Variants in ARSG observed in about 807,000 individuals in gnomAD.
The protein encoded by ARSG is arylsulfatase G.
ARSG carries 37 observed loss-of-function variants against 50.5 expected under a neutral mutation model. The ratio of observed to expected loss-of-function variants is 0.73; its 90% CI spans 0.56 to 0.96. The LOEUF (loss-of-function observed/expected upper bound fraction) is 0.96, where lower values mean the gene tolerates loss of function less well. Among genes scored for constraint, ARSG ranks in the 50% least tolerant of loss-of-function variants. The probability of loss-of-function intolerance (pLI) is 0.00; values close to 1 mark genes in which losing one functional copy is unlikely to be tolerated. For missense variants in ARSG, 629 were observed against 675.3 expected, an observed-to-expected ratio of 0.93 and a Z score of 0.76; for synonymous variants, 225 against 254.6, an observed-to-expected ratio of 0.88 and a Z score of 1.11.
intron 2 of ARSG, among the ~76,000 whole-genome samples, chr17:68,310,347 A>T: frequency 6.6e-6 from 1 of 152,180 alleles, no homozygotes; most frequent in Non-Finnish European, 1.5e-5. Flanking sequence ...TGAAGAGCAA[A>T]AGAGAGTCTG....
chr17:68,431,891 G>A, the ARSG span, among the ~76,000 whole-genome samples: 19 of 152,192 alleles, frequency 1.2e-4, no homozygotes, highest in East Asian at 1.7e-3. Context: ...CAGTGGAGGC[G>A]GGGCTGCAGC....
At chr17:68,359,186 A>G (rs1396172815) in intron 6 of ARSG, among the ~76,000 whole-genome samples, 1 of 152,110 alleles carries the variant, frequency 6.6e-6, no homozygotes, top group Non-Finnish European at 1.5e-5. Flanking sequence ...CAACAACAAC[A>G]ACAAAACTAC....
Position 68,331,614 on chromosome 17 carries a change from G to A in ARSG, c.219-11990G>A, listed in dbSNP as rs374817113. 5.9e-5 allele frequency among the ~76,000 whole-genome samples: 9 copies of A among 152,196 alleles called. No homozygotes were observed. In the East Asian group the frequency reaches 9.7e-4, roughly 16 times the overall value. On this transcript the variant is annotated intron_variant, in intron 2 of 11. Coordinates refer to ENST00000621439, the MANE Select transcript of ARSG (RefSeq NM_001267727.2). ...TGAGCTCAGACAATCCGCCTACCTC[G>A]GCTTCCCAAAGTGCTAGGATTACAG...
intron 9 of ARSG, among the ~76,000 whole-genome samples, chr17:68,389,507 C>T (rs2080892611): frequency 6.6e-6 from 1 of 152,044 alleles, no homozygotes; most frequent in Non-Finnish European, 1.5e-5. Flanking sequence ...CAGGGAAGAA[C>T]AATGCAGGAA....
chr17:68,421,484 A>C (rs996994273), downstream of ARSG: 4 of 409,404 alleles, frequency 9.8e-6, no homozygotes, highest in Non-Finnish European at 1.8e-5. Context: ...GCCCCTTTTA[A>C]TATAAAATTC....
At chr17:68,268,914 CT>C in intron 1 of ARSG, 8 of 1,380,460 alleles carry the variant, frequency 5.8e-6, no homozygotes, top group Non-Finnish European at 6.8e-6. Flanking sequence ...AAAAAAAAAG[CT>C]TAAAACAAAA....
At chr17:68,422,154 G>A (rs186587189), downstream of ARSG, 97 of 241,198 alleles carry the variant, frequency 4.0e-4, no homozygotes, top group Middle Eastern at 6.5e-3. Context: ...TAGGCTGGGC[G>A]CGGTGGCTCA....
chr17:68,275,312 A>C (rs2075478749), intron 1 of ARSG, among the ~76,000 whole-genome samples: 1 of 152,206 alleles, frequency 6.6e-6, no homozygotes, highest in Admixed American at 6.5e-5. Flanking sequence ...AAGGAACAAC[A>C]ACATGCTAGA....
At chr17:68,321,607 G>T (rs1210147035) in intron 2 of ARSG, among the ~76,000 whole-genome samples, 2 of 152,174 alleles carry the variant, frequency 1.3e-5, no homozygotes, top group East Asian at 3.8e-4. Context: ...GTAAATGAAG[G>T]CTGGACACGC....
intron 1 of ARSG, among the ~76,000 whole-genome samples, chr17:68,273,083 C>T (rs544100631): frequency 8.6e-5 from 13 of 150,912 alleles, no homozygotes; most frequent in Non-Finnish European, 1.6e-4. Context: ...AGATTTGTAT[C>T]TAGAAAGAAA....
rs545186978 is a variant in ARSG at position 68,388,005 on chromosome 17, C to T, written c.1091+2833C>T. 8.5e-5 allele frequency among the ~76,000 whole-genome samples: 13 copies of T among 152,262 alleles called. No homozygotes were observed. The East Asian group carries it at 2.3e-3, about 27-fold the overall frequency. ...CATAAGATGAAAGAAGGGTCTTGCA[C>T]GTGACCTGCCTCCACAGACACAAGT... On this transcript the variant is annotated intron_variant, in intron 9 of 11. Coordinates refer to ENST00000621439, the MANE Select transcript of ARSG (RefSeq NM_001267727.2).
chr17:68,295,766 G>T (rs1314133355), intron 1 of ARSG, among the ~76,000 whole-genome samples: 1 of 142,636 alleles, frequency 7.0e-6, no homozygotes, highest in East Asian at 2.1e-4. Context: ...TGCAACCTCT[G>T]CCTCCCGGGT....
chr17:68,346,647 G>A lies in ARSG; in HGVS notation c.407-478G>A, dbSNP rs149903129. 6.9e-4 allele frequency: 738 copies of A among 1,067,992 alleles called. 8 individuals are homozygous for A. The African/African-American group carries it at 0.011, about 16-fold the overall frequency. The allele number at this position is 1,067,992 out of a possible 1,614,324, so 66.2% of individuals were successfully genotyped here. A position where few individuals can be genotyped will look rare whatever the true frequency, so the allele number is the denominator to read the frequency against. Reference sequence around the variant, plus strand: ...TCATTTGCTGCCCCGTAGGTGTCTCGGTGCTTGAACTGCGGGCTGCTGATG... The same window carrying A: ...TCATTTGCTGCCCCGTAGGTGTCTCAGTGCTTGAACTGCGGGCTGCTGATG... On this transcript the variant is annotated intron_variant, in intron 3 of 11. Transcript: ENST00000621439.
chr17:68,342,712 A>AACACTACACAGCACTTAGGC (rs2078324549), intron 2 of ARSG, among the ~76,000 whole-genome samples: 1 of 152,188 alleles, frequency 6.6e-6, no homozygotes, highest in Admixed American at 6.5e-5. Flanking sequence ...AGTGCTTAGG[A>AACACTACACAGCACTTAGGC]ACACTACACA....
At chr17:68,426,014 G>T, downstream of ARSG, 1 of 1,365,014 alleles carries the variant, frequency 7.3e-7, no homozygotes, top group Non-Finnish European at 1.0e-6. Context: ...CTCGTATGAG[G>T]CGAAGGTTTC....
At chr17:68,283,481 A>C (rs2075763622) in intron 1 of ARSG, among the ~76,000 whole-genome samples, 1 of 147,916 alleles carries the variant, frequency 6.8e-6, no homozygotes. Flanking sequence ...AGATCGCGCC[A>C]CTGCACTCCA....
At chr17:68,309,850 A>G (rs1163358762) in intron 2 of ARSG, among the ~76,000 whole-genome samples, 2 of 140,414 alleles carry the variant, frequency 1.4e-5, no homozygotes, top group Non-Finnish European at 3.0e-5. Flanking sequence ...TAAGAGTGAG[A>G]CTCTGTCTAA....
At chr17:68,438,758 G>A in the ARSG span, among the ~76,000 whole-genome samples, 103 of 152,250 alleles carry the variant, frequency 6.8e-4, no homozygotes, top group African/African-American at 2.3e-3. Context: ...GTGCCACCAC[G>A]CCCAGCTAAT....
chr17:68,354,545 T>C (rs2078950053), intron 5 of ARSG, among the ~76,000 whole-genome samples: 1 of 151,730 alleles, frequency 6.6e-6, no homozygotes, highest in African/African-American at 2.4e-5. Context: ...AGCTGAAAAA[T>C]TCAACATAAA....
Sources: gnomAD v4.1 joint callset for allele counts (sites outside exome capture counted in the v4.1 genomes callset) on GRCh38, gnomAD v4.1.1 for gene constraint, MANE v1.5 for transcripts, NCBI Gene and HGNC (gene_info 2026-07-23, HGNC 2026-07-21) for gene names.